The following CCSER1 variants were observed in gnomAD, a reference collection of about 807,000 sequenced individuals.
CCSER1 encodes the protein serine-rich coiled-coil domain-containing protein 1.
CCSER1 carries 41 observed loss-of-function variants against 82.0 expected under a neutral mutation model. The ratio of observed to expected loss-of-function variants is 0.50; its 90% CI spans 0.39 to 0.65. CCSER1 has a LOEUF of 0.65. CCSER1 is among the 30% of genes least tolerant of loss of function. CCSER1 has a pLI of 0.00. For missense variants in CCSER1, 1,119 were observed against 1,064.2 expected, an observed-to-expected ratio of 1.05 and a Z score of -0.72; for synonymous variants, 414 against 383.9, an observed-to-expected ratio of 1.08 and a Z score of -0.92.
chr4:91,482,125 G>A lies in CCSER1; in HGVS notation c.2218-116447G>A, dbSNP rs538138811. On this transcript the variant is annotated intron_variant, in intron 10 of 10. Transcript: ENST00000509176. ...TCATTAAAAAGTCAGGAAACGGGCC[G>A]GGCGCGGTGGCTCACGCCTGTAATC... Among the ~76,000 whole-genome samples, 22 of 152,030 alleles carry A rather than the reference G, an allele frequency of 1.4e-4. 1 individual carries two copies. In the South Asian group the frequency reaches 3.1e-3, roughly 22 times the overall value.
At chr4:91,129,835 C>T (rs1727843890) in intron 10 of CCSER1, 2 of 151,930 alleles carry the variant, frequency 1.3e-5, no homozygotes, top group Admixed American at 6.6e-5. Context: ...TTGTTTCATT[C>T]CATCCAGGTG....
intron 8 of CCSER1, among the ~76,000 whole-genome samples, chr4:90,904,021 G>A (rs894907175): frequency 1.6e-4 from 24 of 151,902 alleles, no homozygotes; most frequent in Admixed American, 6.6e-4. Flanking sequence ...TGTACATGAA[G>A]TTGGCAACTT....
chr4:90,698,837 A>T (rs1293749678), intron 6 of CCSER1, among the ~76,000 whole-genome samples: 1 of 152,070 alleles, frequency 6.6e-6, no homozygotes, highest in Non-Finnish European at 1.5e-5. Flanking sequence ...GGATAATTTG[A>T]CTCATGCCTG....
At chr4:91,176,461 TAACA>T (rs1453326269) in intron 10 of CCSER1, among the ~76,000 whole-genome samples, 83 of 152,308 alleles carry the variant, frequency 5.4e-4, no homozygotes, top group Admixed American at 6.5e-4. Flanking sequence ...CATAATTATG[TAACA>T]TTCTTCCATT....
At position 91,102,696 on chromosome 4, in the gene CCSER1, TAAAC is replaced by T. The variant is rs763711747; in HGVS notation, c.2217+16707_2217+16710del. On this transcript the variant is annotated intron_variant, in intron 10 of 10. Coordinates refer to ENST00000509176, the MANE Select transcript of CCSER1 (RefSeq NM_001145065.2). ...ACATATTTATTTGAAAGTATATTCA[TAAAC>T]AAACTTACAGTGTTTTTGTGTGTGC... Among the ~76,000 whole-genome samples the T allele has an allele frequency of 6.5e-5, 9 of 137,592 alleles. No individual in the cohort carries two copies. In the East Asian group the frequency reaches 9.4e-4, roughly 14 times the overall value. 90.3% of individuals were successfully genotyped at this position (137,592 alleles called of 152,430 possible).
intron 4 of CCSER1, among the ~76,000 whole-genome samples, chr4:90,423,713 G>A (rs1757068749): frequency 6.6e-6 from 1 of 152,064 alleles, no homozygotes; most frequent in South Asian, 2.1e-4. Flanking sequence ...CTAACCTCAG[G>A]TGATCCGCCT....
chr4:90,602,192 C>G (rs978504278), intron 5 of CCSER1, among the ~76,000 whole-genome samples: 1 of 152,078 alleles, frequency 6.6e-6, no homozygotes, highest in Non-Finnish European at 1.5e-5. Context: ...TTTTGAAGCT[C>G]TGTTATTAGC....
chr4:91,086,084 C>A, intron 10 of CCSER1, 90 bp downstream of exon 10: 1 of 779,002 alleles, frequency 1.3e-6, no homozygotes, highest in Non-Finnish European at 2.2e-6. Context: ...ACGATAATTA[C>A]GTTGATAATG....
intron 3 of CCSER1, among the ~76,000 whole-genome samples, chr4:90,341,209 G>C (rs1741318844): frequency 6.6e-6 from 1 of 152,038 alleles, no homozygotes; most frequent in Non-Finnish European, 1.5e-5. Context: ...TAACAGAATA[G>C]CATCTTTACT....
chr4:90,309,417 G>C lies in CCSER1; in HGVS notation c.1133G>C (p.Gly378Ala), dbSNP rs778107744. The C allele has an allele frequency of 6.2e-7, 1 of 1,613,716 alleles. No homozygotes were observed. The highest frequency in any genetic ancestry group is 8.5e-7 in the Non-Finnish European group (1 of 1,179,778). The change falls in exon 2 of 11, where the codon GGG becomes GCG. Residue 378 changes from glycine (G) to alanine (A), a missense_variant. Gly to Ala is a moderately conservative substitution (Grantham distance 60). Transcript: ENST00000509176. ...GATAGTGAAAGAGAAGAAAATATAGGGTTACAAAATGGTGAAACAATGCTG... is the reference window on the plus strand; with the variant it reads ...GATAGTGAAAGAGAAGAAAATATAGCGTTACAAAATGGTGAAACAATGCTG... ...PADSEREENI[G>A]LQNGETMLGT...
chr4:91,466,713 GACAA>G (rs1247337560), intron 10 of CCSER1, among the ~76,000 whole-genome samples: 2 of 152,048 alleles, frequency 1.3e-5, no homozygotes, highest in African/African-American at 4.8e-5. Context: ...ACCAATAAGA[GACAA>G]ACAGAGAGCC....
intron 7 of CCSER1, among the ~76,000 whole-genome samples, chr4:90,754,107 T>C (rs1214737940): frequency 6.6e-6 from 1 of 152,174 alleles, no homozygotes; most frequent in East Asian, 1.9e-4. Context: ...CTTATTATTT[T>C]TCATAGCACA....
chr4:90,973,514 G>T (rs1735315901), intron 9 of CCSER1, among the ~76,000 whole-genome samples: 1 of 151,582 alleles, frequency 6.6e-6, no homozygotes, highest in East Asian at 1.9e-4. Flanking sequence ...AAACATGACA[G>T]GTGTTGAAGA....
intron 9 of CCSER1, among the ~76,000 whole-genome samples, chr4:91,040,474 G>A (rs1741863959): frequency 6.6e-6 from 1 of 152,128 alleles, no homozygotes; most frequent in Admixed American, 6.6e-5. Flanking sequence ...AGTGTATATT[G>A]TGGGAAAGGA....
chr4:91,194,627 A>G (rs1362246748), intron 10 of CCSER1, among the ~76,000 whole-genome samples: 1 of 152,184 alleles, frequency 6.6e-6, no homozygotes, highest in Non-Finnish European at 1.5e-5. Context: ...TTTCACCAAC[A>G]TTCCAAGTTT....
At chr4:91,109,089 A>T (rs2148867836) in intron 10 of CCSER1, among the ~76,000 whole-genome samples, 1 of 152,234 alleles carries the variant, frequency 6.6e-6, no homozygotes, top group African/African-American at 2.4e-5. Flanking sequence ...TCTGACTTGT[A>T]GCAACACCCC....
intron 1 of CCSER1, among the ~76,000 whole-genome samples, chr4:90,188,653 A>G (rs1735066965): frequency 1.3e-5 from 2 of 151,922 alleles, no homozygotes; most frequent in African/African-American, 4.8e-5. Context: ...GCTCCTTCTT[A>G]ATATCTTATC....
intron 10 of CCSER1, among the ~76,000 whole-genome samples, chr4:91,136,534 A>G (rs187833834): frequency 6.6e-6 from 1 of 152,132 alleles, no homozygotes; most frequent in South Asian, 2.1e-4. Flanking sequence ...TCTTTTCAAT[A>G]CTATTTAATT....
intron 10 of CCSER1, among the ~76,000 whole-genome samples, chr4:91,595,002 C>T (rs1764496200): frequency 1.3e-5 from 2 of 151,646 alleles, no homozygotes; most frequent in South Asian, 2.1e-4. Flanking sequence ...AGAGTGTTGG[C>T]AACTGATAGC....
Sources: gnomAD v4.1 joint callset for allele counts (sites outside exome capture counted in the v4.1 genomes callset) on GRCh38, gnomAD v4.1.1 for gene constraint, MANE v1.5 for transcripts, NCBI Gene and HGNC (gene_info 2026-07-23, HGNC 2026-07-21) for gene names.